The following CDYL variants were observed in gnomAD, a reference collection of about 807,000 sequenced individuals.
CDYL encodes the protein chromodomain Y like.
In CDYL, 8 loss-of-function variants were observed where a neutral mutation model predicts 47.3. The ratio of observed to expected loss-of-function variants is 0.17; its 90% CI spans 0.10 to 0.31. The LOEUF is 0.31. Ranked by LOEUF, CDYL falls within the 10% of genes least tolerant of loss-of-function variation. The probability of loss-of-function intolerance (pLI) is 1.00; values close to 1 mark genes in which losing one functional copy is unlikely to be tolerated. For synonymous variants in CDYL, 266 were observed against 265.0 expected (o/e 1.00, Z -0.04); for missense variants, 471 against 701.4 (o/e 0.67, Z 3.71).
At chr6:4,919,539 G>A (rs1391770406) in intron 2 of CDYL, among the ~76,000 whole-genome samples, 3 of 152,156 alleles carry the variant, frequency 2.0e-5, no homozygotes, top group Non-Finnish European at 2.9e-5. Flanking sequence ...GAGCATTTCC[G>A]TTGAGTGTTA....
chr6:4,917,945 A>G (rs745828785), intron 2 of CDYL, among the ~76,000 whole-genome samples: 1 of 152,214 alleles, frequency 6.6e-6, no homozygotes, highest in Non-Finnish European at 1.5e-5. Context: ...GTTGTGAGCT[A>G]ATTTTCTTTG....
In CDYL at chr6:4,954,284, CTT is replaced by C; in HGVS notation, c.*229_*230del. ...TTTGTCCAAACGTCATTATTTTATA[CTT>C]ATATACACGCAGGTGTAAAAGTATA... On this transcript the variant is annotated 3_prime_UTR_variant, in exon 7 of 7. Coordinates refer to ENST00000397588, the MANE Select transcript of CDYL (RefSeq NM_004824.4). 4.9e-6 allele frequency: 2 copies of C among 409,392 alleles called. No individual in the cohort carries two copies. The highest frequency in any genetic ancestry group is 5.3e-5 in the South Asian group (1 of 18,904). 25.4% of individuals were successfully genotyped at this position (409,392 alleles called of 1,614,324 possible).
rs370198640 is a variant in CDYL, at chr6:4,729,683, C to A, written c.104-5079C>A. Among the ~76,000 whole-genome samples the A allele has an allele frequency of 2.9e-3, 446 of 152,192 alleles. 3 individuals are homozygous for A. The highest frequency in any genetic ancestry group is 0.01 in the African/African-American group (427 of 41,516). On this transcript the variant is annotated intron_variant, in intron 2 of 8. Transcript: ENST00000328908. ...CTGTAATCCCAGCACTTTGGGAGGC[C>A]AAGGCGGGTGGATCACTTGAGGTCA...
chr6:4,793,730 T>A (rs894847234), intron 1 of CDYL, among the ~76,000 whole-genome samples: 5 of 151,424 alleles, frequency 3.3e-5, no homozygotes, highest in African/African-American at 9.7e-5. Flanking sequence ...CATTGGGAGG[T>A]AGTAAGGAGT....
In CDYL at chr6:4,866,193, T is replaced by TCAAGTACC. The variant is rs570525836; in HGVS notation, c.25-25514_25-25507dup. 2.8e-4 allele frequency among the ~76,000 whole-genome samples: 42 copies of TCAAGTACC among 152,258 alleles called. No homozygotes were observed. The South Asian group carries it at 8.7e-3, about 32-fold the overall frequency. On this transcript the variant is annotated intron_variant, in intron 1 of 6. Transcript: ENST00000397588. ...GTGGTTGTCAAAATTTTGGAGTCGG[T>TCAAGTACC]CAAGTACCCAAGTTAAAAATCAGAC...
At chr6:4,725,708 T>G (rs968547242) in intron 2 of CDYL, among the ~76,000 whole-genome samples, 1 of 152,166 alleles carries the variant, frequency 6.6e-6, no homozygotes, top group Non-Finnish European at 1.5e-5. Flanking sequence ...TCCCGCAAGC[T>G]GAGGGAAGCA....
chr6:4,925,710 C>T (rs967707687), intron 2 of CDYL, among the ~76,000 whole-genome samples: 1 of 152,100 alleles, frequency 6.6e-6, no homozygotes, highest in African/African-American at 2.4e-5. Flanking sequence ...GTAGACTGTC[C>T]TCCAGCTGGG....
chr6:4,742,190 C>T (rs1425037452), intron 3 of CDYL, among the ~76,000 whole-genome samples: 3 of 151,604 alleles, frequency 2.0e-5, no homozygotes, highest in Non-Finnish European at 4.4e-5. Flanking sequence ...CTCATCTCTA[C>T]AAAAAATAAA....
intron 3 of CDYL, among the ~76,000 whole-genome samples, chr6:4,770,717 C>T (rs928135336): frequency 1.3e-5 from 2 of 152,026 alleles, no homozygotes; most frequent in Non-Finnish European, 2.9e-5. Flanking sequence ...CAGAAAGGAA[C>T]GTGATCTGAA....
intron 2 of CDYL, among the ~76,000 whole-genome samples, chr6:4,935,227 G>T (rs1469398411): frequency 3.3e-5 from 5 of 151,984 alleles, no homozygotes; most frequent in African/African-American, 1.2e-4. Context: ...TCTTGATTCT[G>T]TCCTTTAAAA....
intron 1 of CDYL, among the ~76,000 whole-genome samples, chr6:4,806,885 G>T (rs1759385143): frequency 6.6e-6 from 1 of 152,274 alleles, no homozygotes. Context: ...AAACCAAGTG[G>T]CTCAGGCAAC....
intron 2 of CDYL, among the ~76,000 whole-genome samples, chr6:4,924,287 G>T (rs1289412601): frequency 6.6e-6 from 1 of 152,100 alleles, no homozygotes; most frequent in East Asian, 1.9e-4. Context: ...CATTTTAATT[G>T]CAGGAACCTT....
At chr6:4,715,079 C>CA (rs2127407661) in intron 1 of CDYL, among the ~76,000 whole-genome samples, 1 of 152,338 alleles carries the variant, frequency 6.6e-6, no homozygotes, top group Admixed American at 6.5e-5. Context: ...AAACCCTCTG[C>CA]ATAGGCACGC....
chr6:4,737,684 G>C (rs377451333), intron 3 of CDYL, among the ~76,000 whole-genome samples: 1 of 151,224 alleles, frequency 6.6e-6, no homozygotes, highest in African/African-American at 2.4e-5. Flanking sequence ...GCACCACCAC[G>C]CCTGGCTAAT....
Position 4,935,503 on chromosome 6 carries a change from A to C in CDYL, c.692-12A>C, listed in dbSNP as rs954368118. ...GACATCACAGACTACTGTGATTTCA[A>C]ACTCTCGGCAGGTACATCTCCGTTC... On this transcript the variant is annotated splice_polypyrimidine_tract_variant and intron_variant, in intron 2 of 6. Transcript: ENST00000397588. 8.1e-6 allele frequency: 13 copies of C among 1,613,024 alleles called. No individual in the cohort carries two copies. The highest frequency in any genetic ancestry group is 1.0e-5 in the Non-Finnish European group (12 of 1,178,978).
At chr6:4,947,788 T>C (rs1758569602) in intron 5 of CDYL, among the ~76,000 whole-genome samples, 1 of 152,166 alleles carries the variant, frequency 6.6e-6, no homozygotes, top group Non-Finnish European at 1.5e-5. Context: ...TGGGCAGAGC[T>C]GACTGACAGG....
intron 1 of CDYL, among the ~76,000 whole-genome samples, chr6:4,789,738 A>G (rs1475409333): frequency 2.6e-5 from 4 of 152,028 alleles, no homozygotes; most frequent in African/African-American, 7.3e-5. Flanking sequence ...CTTTGGCCCT[A>G]TCTGGCTCTT....
intron 1 of CDYL, among the ~76,000 whole-genome samples, chr6:4,870,965 T>C (rs1347538662): frequency 6.6e-6 from 1 of 152,264 alleles, no homozygotes; most frequent in Non-Finnish European, 1.5e-5. Context: ...CCTTTTCCAC[T>C]AAACCCAAAT....
intron 1 of CDYL, among the ~76,000 whole-genome samples, chr6:4,869,017 TTCTG>T (rs1230072574): frequency 2.6e-5 from 4 of 152,232 alleles, no homozygotes; most frequent in African/African-American, 4.8e-5. Context: ...TTTTACCAAG[TTCTG>T]TCTTAGAATC....
Sources: gnomAD v4.1 joint callset for allele counts (sites outside exome capture counted in the v4.1 genomes callset) on GRCh38, gnomAD v4.1.1 for gene constraint, MANE v1.5 for transcripts, NCBI Gene and HGNC (gene_info 2026-07-23, HGNC 2026-07-21) for gene names.